TDRD9: variants seen among roughly 807,000 people sequenced by gnomAD.
TDRD9 encodes tudor domain containing 9, also known as ATP-dependent RNA helicase TDRD9.
A neutral mutation model predicts 172.6 loss-of-function variants in TDRD9; 124 were observed. That is an observed-to-expected ratio of 0.72 (90% confidence interval 0.62 to 0.83). The LOEUF (loss-of-function observed/expected upper bound fraction) is 0.83. Ranked by LOEUF, TDRD9 falls within the 40% of genes least tolerant of loss-of-function variation. The probability of loss-of-function intolerance (pLI) is 0.00; values close to 1 mark genes in which losing one functional copy is unlikely to be tolerated. For missense variants in TDRD9, 1,479 were observed against 1,714.1 expected, an observed-to-expected ratio of 0.86 and a Z score of 2.42; for synonymous variants, 619 against 617.1, an observed-to-expected ratio of 1.00 and a Z score of -0.05.
chr14:103,963,321 G>A (rs2032596941), intron 3 of TDRD9, 145 bp downstream of exon 3: 1 of 540,418 alleles, frequency 1.9e-6, no homozygotes, highest in Non-Finnish European at 3.2e-6. Context: ...AGAGGAGGGT[G>A]TGCTCAGGCC....
intron 12 of TDRD9, among the ~76,000 whole-genome samples, chr14:103,996,688 C>A (rs969661936): frequency 6.6e-6 from 1 of 151,936 alleles, no homozygotes; most frequent in Non-Finnish European, 1.5e-5. Context: ...TTTGTACCAG[C>A]GAAATAGCAG....
chr14:103,973,919 T>G (rs1421446568), intron 6 of TDRD9, among the ~76,000 whole-genome samples: 1 of 152,176 alleles, frequency 6.6e-6, no homozygotes, highest in African/African-American at 2.4e-5. Flanking sequence ...ACTTTTTGGC[T>G]GGGTGTGGTG....
chr14:103,944,600 C>G (rs1489159211), intron 1 of TDRD9, among the ~76,000 whole-genome samples: 1 of 119,912 alleles, frequency 8.3e-6, no homozygotes, highest in Non-Finnish European at 1.6e-5. Flanking sequence ...GAGTCTTGCT[C>G]TGTCGCCCAG....
chr14:103,945,376 A>G (rs2152121855), intron 1 of TDRD9: 1 of 152,332 alleles, frequency 6.6e-6, no homozygotes, highest in Admixed American at 6.5e-5. Flanking sequence ...CAATTTTTCT[A>G]GTACTTAGTG....
chr14:103,931,275 G>T (rs2030373006), intron 1 of TDRD9, among the ~76,000 whole-genome samples: 2 of 151,076 alleles, frequency 1.3e-5, no homozygotes, highest in Non-Finnish European at 2.9e-5. Flanking sequence ...CTCCAGCCTG[G>T]GTGACAGAAT....
At chr14:103,937,857 C>CTTTTTTTTTTTTTTTTTTTTTTTT (rs11319552) in intron 1 of TDRD9, among the ~76,000 whole-genome samples, 1 of 149,820 alleles carries the variant, frequency 6.7e-6, no homozygotes, top group African/African-American at 2.5e-5. Flanking sequence ...TGTTGATTTT[C>CTTTTTTTTTTTTTTTTTTTTTTTT]TTTTTTTTTT....
At chr14:103,951,822 A>G (rs1049732434) in intron 1 of TDRD9, among the ~76,000 whole-genome samples, 2 of 150,656 alleles carry the variant, frequency 1.3e-5, no homozygotes, top group African/African-American at 2.5e-5. Context: ...GCTGGAGTGC[A>G]GTGGCGTGAT....
At chr14:104,050,419 C>G (rs2035905608) in intron 35 of TDRD9, among the ~76,000 whole-genome samples, 2 of 152,168 alleles carry the variant, frequency 1.3e-5, no homozygotes, top group Non-Finnish European at 2.9e-5. Context: ...TTCATAGGCT[C>G]CCTGGTACTT....
At chr14:103,973,835 C>G (rs2033133086) in intron 6 of TDRD9, among the ~76,000 whole-genome samples, 1 of 152,204 alleles carries the variant, frequency 6.6e-6, no homozygotes, top group Non-Finnish European at 1.5e-5. Flanking sequence ...CCATTTGTAT[C>G]TCATTCCAAA....
chr14:104,024,214 A>G (rs1277456724), intron 24 of TDRD9, among the ~76,000 whole-genome samples: 1 of 152,206 alleles, frequency 6.6e-6, no homozygotes, highest in Non-Finnish European at 1.5e-5. Context: ...AAGTTAGGAA[A>G]CACTGCAGAT....
chr14:104,026,038 A>G lies in TDRD9; in HGVS notation c.2932-9A>G. Reference sequence around the variant, plus strand: ...CCGTCGTAAAGTGTATACTTGCTTTATTTTCTAGGTATTCTTTGTAGATTA... The same window carrying G: ...CCGTCGTAAAGTGTATACTTGCTTTGTTTTCTAGGTATTCTTTGTAGATTA... On this transcript the variant is annotated splice_polypyrimidine_tract_variant and intron_variant, in intron 26 of 35. Coordinates refer to ENST00000409874, the MANE Select transcript of TDRD9 (RefSeq NM_153046.3). 1 of 1,581,176 alleles carries G rather than the reference A, an allele frequency of 6.3e-7. No homozygotes were observed. The highest frequency in any genetic ancestry group is 1.1e-5 in the South Asian group (1 of 90,364).
At chr14:103,979,153 T>G (rs1363352127) in intron 7 of TDRD9, among the ~76,000 whole-genome samples, 1 of 152,228 alleles carries the variant, frequency 6.6e-6, no homozygotes, top group East Asian at 1.9e-4. Context: ...TAACTTTCTG[T>G]TCCTGGCTTA....
chr14:103,972,563 T>C (rs981930501), intron 6 of TDRD9, among the ~76,000 whole-genome samples: 3 of 152,210 alleles, frequency 2.0e-5, no homozygotes, highest in Non-Finnish European at 2.9e-5. Flanking sequence ...AGTCTACTCA[T>C]AGGTCGACCT....
intron 7 of TDRD9, among the ~76,000 whole-genome samples, chr14:103,985,804 A>G (rs1250337381): frequency 6.6e-6 from 1 of 152,172 alleles, no homozygotes; most frequent in African/African-American, 2.4e-5. Context: ...GTGAAATCTT[A>G]GGGAAGTCTT....
At chr14:103,967,655 G>C (rs928973985) in intron 5 of TDRD9, among the ~76,000 whole-genome samples, 1 of 152,200 alleles carries the variant, frequency 6.6e-6, no homozygotes, top group Admixed American at 6.5e-5. Flanking sequence ...GAGTCAGTGC[G>C]TTTGTGATCT....
intron 1 of TDRD9, among the ~76,000 whole-genome samples, chr14:103,936,830 G>T (rs1054320247): frequency 1.3e-5 from 2 of 152,196 alleles, no homozygotes; most frequent in Admixed American, 1.3e-4. Flanking sequence ...AGTGGCTCAT[G>T]CCTGTAATCC....
Position 103,980,004 on chromosome 14 carries a change from A to G in TDRD9, c.1011+4451A>G, listed in dbSNP as rs2033409520. ...GATTCTCCCATCTCAGCCTTCCAAG[A>G]AGCTATGACTACAGATGCATACCAC... is the stretch of plus-strand genomic sequence containing the variant. On this transcript the variant is annotated intron_variant, in intron 7 of 35. Transcript: ENST00000409874. This position sits in a 1 kb window ranked among gnomAD's most constrained non-coding sequence, Gnocchi z 4.5. Among the ~76,000 whole-genome samples the G allele has an allele frequency of 6.6e-6, 1 of 151,850 alleles. No individual in the cohort carries two copies. The highest frequency in any genetic ancestry group is 2.4e-5 in the African/African-American group (1 of 41,340).
At chr14:103,987,698 G>A (rs994531929) in intron 8 of TDRD9, among the ~76,000 whole-genome samples, 13 of 152,114 alleles carry the variant, frequency 8.5e-5, no homozygotes, top group Admixed American at 2.6e-4. Context: ...AATATTACAC[G>A]TGCACTTGAG....
intron 1 of TDRD9, among the ~76,000 whole-genome samples, chr14:103,937,309 G>C (rs1566722204): frequency 6.6e-6 from 1 of 152,128 alleles, no homozygotes; most frequent in Non-Finnish European, 1.5e-5. Context: ...CTTGAAGATA[G>C]CAAGCTAATT....
Sources: gnomAD v4.1 joint callset for allele counts (sites outside exome capture counted in the v4.1 genomes callset) on GRCh38, gnomAD v4.1.1 for gene constraint, Gnocchi (gnomAD v3.1) non-coding constraint, MANE v1.5 for transcripts, NCBI Gene and HGNC (gene_info 2026-07-23, HGNC 2026-07-21) for gene names.